KCNG2: variants seen among roughly 807,000 people sequenced by gnomAD.
The protein encoded by KCNG2 is voltage-gated potassium channel regulatory subunit KCNG2.
Under a neutral mutation model 12.3 loss-of-function variants are expected in KCNG2, and 7 were observed. That is an observed-to-expected ratio of 0.57 (90% CI 0.32 to 1.07). KCNG2 has a LOEUF of 1.07. Ranked by LOEUF, KCNG2 falls within the 50% of genes least tolerant of loss-of-function variation. KCNG2 has a pLI of 0.04. For synonymous variants in KCNG2, 414 were observed against 351.4 expected (o/e 1.18, Z -1.99); for missense variants, 703 against 726.0 (o/e 0.97, Z 0.36).
In KCNG2 at chr18:79,818,990, T is replaced by C. The variant is rs181551206; in HGVS notation, c.-115+20976T>C. Among the ~76,000 whole-genome samples the C allele has an allele frequency of 1.1e-3, 174 of 152,324 alleles. 1 individual carries two copies. Among genetic ancestry groups the C allele is most frequent in the Admixed American group, 3.9e-3 (60 of 15,306 alleles). ...CAGGACTCGACACAGTGCCCAGTTC[T>C]GCTGGGGGCTCCACAAACATTTGCG... On this transcript the variant is annotated intron_variant, in intron 1 of 3. Coordinates refer to ENST00000316249, the MANE Select transcript of KCNG2 (RefSeq NM_012283.2).
At chr18:79,801,883 T>G (rs927734673) in intron 1 of KCNG2, among the ~76,000 whole-genome samples, 1 of 152,198 alleles carries the variant, frequency 6.6e-6, no homozygotes, top group African/African-American at 2.4e-5. Flanking sequence ...AGGGATTCAT[T>G]GCCCGCGTTT....
chr18:79,848,682 A>G (rs975255976), intron 1 of KCNG2, among the ~76,000 whole-genome samples: 16 of 152,152 alleles, frequency 1.1e-4, no homozygotes, highest in African/African-American at 3.9e-4. Flanking sequence ...GCGTGGGGGA[A>G]GGAGGTGGGG....
In KCNG2 at chr18:79,863,716, C is replaced by T; in HGVS notation, c.49C>T (p.Arg17Trp). 4 of 1,205,174 alleles carry T rather than the reference C, an allele frequency of 3.3e-6. No individual in the cohort carries two copies. The highest frequency in any genetic ancestry group is 3.1e-6 in the Non-Finnish European group (3 of 970,898). The allele number at this position is 1,205,174 out of a possible 1,614,324, so 74.7% of individuals were successfully genotyped here. Reference sequence around the variant, plus strand: ...GGGCGGCGGCGGCGGGACCCGCGCCCGGCACGTCATCATCAACGTGGGCGG... The same window carrying T: ...GGGCGGCGGCGGCGGGACCCGCGCCTGGCACGTCATCATCAACGTGGGCGG... ...SPGGGGGTRA[R>W]HVIINVGGCR... The change falls in exon 3 of 4, where the codon CGG (arginine) becomes TGG (tryptophan). Residue 17 changes from arginine to tryptophan, a missense_variant. Arg to Trp is a moderately radical substitution (Grantham distance 101). Coordinates refer to ENST00000316249, the MANE Select transcript of KCNG2 (RefSeq NM_012283.2).
chr18:79,884,722 G>C lies in KCNG2; in HGVS notation c.625-14318G>C, dbSNP rs1980453914. Among the ~76,000 whole-genome samples the C allele has an allele frequency of 1.3e-5, 2 of 152,192 alleles. No homozygotes were observed. Among genetic ancestry groups the C allele is most frequent in the African/African-American group, 4.8e-5 (2 of 41,458 alleles). On this transcript the variant is annotated intron_variant, in intron 3 of 3. Coordinates refer to ENST00000316249, the MANE Select transcript of KCNG2 (RefSeq NM_012283.2). The surrounding 1 kb of genome is among the most constrained non-coding windows in gnomAD (Gnocchi z 5.5). ...CACAGACACGTGGCTTCGTGATGGG[G>C]AGCCACGGGGGCAGGGGTCCGCCCG...
At chr18:79,811,263 T>C (rs1030126592) in intron 1 of KCNG2, among the ~76,000 whole-genome samples, 3 of 152,072 alleles carry the variant, frequency 2.0e-5, no homozygotes, top group African/African-American at 7.2e-5. Context: ...GGGACCAAAG[T>C]AAGTGAAAAA....
intron 1 of KCNG2, among the ~76,000 whole-genome samples, chr18:79,834,538 C>T (rs1978313262): frequency 6.6e-6 from 1 of 152,164 alleles, no homozygotes; most frequent in Non-Finnish European, 1.5e-5. Flanking sequence ...AAAGTGGGAC[C>T]GGGGTCCACC....
At chr18:79,862,937 C>T (rs1456132836) in intron 2 of KCNG2, among the ~76,000 whole-genome samples, 2 of 152,192 alleles carry the variant, frequency 1.3e-5, no homozygotes, top group East Asian at 1.9e-4. Flanking sequence ...GTTGCTGTCC[C>T]CGCAGAGCTG....
intron 3 of KCNG2, among the ~76,000 whole-genome samples, chr18:79,875,404 T>C (rs1243424247): frequency 2.6e-5 from 4 of 152,158 alleles, no homozygotes; most frequent in Non-Finnish European, 5.9e-5. Flanking sequence ...CCAATCCCAT[T>C]TCCACTCCAG....
At chr18:79,821,137 G>T (rs1398968894) in intron 1 of KCNG2, among the ~76,000 whole-genome samples, 1 of 152,112 alleles carries the variant, frequency 6.6e-6, no homozygotes, top group Non-Finnish European at 1.5e-5. Flanking sequence ...AAGCTCAGTT[G>T]ATCTATTTTT....
Position 79,881,271 on chromosome 18 carries a change from G to A in KCNG2, c.624+16980G>A, listed in dbSNP as rs111460522. Among the ~76,000 whole-genome samples, 249 of 151,782 alleles carry A rather than the reference G, an allele frequency of 1.6e-3. 1 individual carries two copies. Among genetic ancestry groups the A allele is most frequent in the African/African-American group, 5.7e-3 (236 of 41,340 alleles). ...AATAGGACTGCCTATGTAGAAACAC[G>A]CCGTACGATTGGAAAGCAAGAGAAT... is the stretch of plus-strand genomic sequence containing the variant. On this transcript the variant is annotated intron_variant, in intron 3 of 3. Coordinates refer to ENST00000316249, the MANE Select transcript of KCNG2 (RefSeq NM_012283.2).
At chr18:79,836,382 A>T (rs1225455239) in intron 1 of KCNG2, among the ~76,000 whole-genome samples, 1 of 152,230 alleles carries the variant, frequency 6.6e-6, no homozygotes. Flanking sequence ...CCAAAGGATG[A>T]CAGAGTTTAA....
chr18:79,889,426 G>T (rs1326405817), intron 3 of KCNG2, among the ~76,000 whole-genome samples: 2 of 152,302 alleles, frequency 1.3e-5, no homozygotes, highest in African/African-American at 4.8e-5. Flanking sequence ...TCAAAATTTA[G>T]AGTTTCTTTC....
chr18:79,816,682 A>G (rs1456347481), intron 1 of KCNG2, among the ~76,000 whole-genome samples: 1 of 152,194 alleles, frequency 6.6e-6, no homozygotes, highest in Non-Finnish European at 1.5e-5. Flanking sequence ...TTTCTCACAA[A>G]TGTGAAATTT....
At chr18:79,889,764 C>T (rs975385802) in intron 3 of KCNG2, among the ~76,000 whole-genome samples, 10 of 152,208 alleles carry the variant, frequency 6.6e-5, no homozygotes, top group African/African-American at 1.2e-4. Flanking sequence ...CTGGAACATC[C>T]GGTACAGAGT....
chr18:79,871,672 C>T (rs1318568767), intron 3 of KCNG2, among the ~76,000 whole-genome samples: 1 of 152,206 alleles, frequency 6.6e-6, no homozygotes, highest in Non-Finnish European at 1.5e-5. Context: ...AGTCTCCACC[C>T]AGGGGCAGTA....
intron 3 of KCNG2, among the ~76,000 whole-genome samples, chr18:79,873,624 T>C (rs972450979): frequency 5.3e-5 from 8 of 152,174 alleles, no homozygotes. Flanking sequence ...TGGGGAGCCC[T>C]GGACGGGAGC....
intron 1 of KCNG2, among the ~76,000 whole-genome samples, chr18:79,849,478 G>T (rs1978740966): frequency 6.6e-6 from 1 of 152,202 alleles, no homozygotes; most frequent in African/African-American, 2.4e-5. Context: ...GGGCAAGGTC[G>T]TCCGCGTGCA....
intron 3 of KCNG2, among the ~76,000 whole-genome samples, chr18:79,897,703 T>C (rs797007239): frequency 9.2e-5 from 14 of 152,318 alleles, no homozygotes; most frequent in African/African-American, 3.4e-4. Flanking sequence ...CTAGCCCTTT[T>C]GGTAGTCCCC....
chr18:79,844,607 G>A (rs1174045405), intron 1 of KCNG2, among the ~76,000 whole-genome samples: 2 of 152,176 alleles, frequency 1.3e-5, no homozygotes, highest in East Asian at 1.9e-4. Flanking sequence ...TAGCTTGATT[G>A]TGGTAATCAT....
Sources: gnomAD v4.1 joint callset for allele counts (sites outside exome capture counted in the v4.1 genomes callset) on GRCh38, gnomAD v4.1.1 for gene constraint, Gnocchi (gnomAD v3.1) non-coding constraint, MANE v1.5 for transcripts, NCBI Gene and HGNC (gene_info 2026-07-23, HGNC 2026-07-21) for gene names.